GRAMD2B: variants seen among roughly 807,000 people sequenced by gnomAD.
The protein encoded by GRAMD2B is GRAM domain-containing protein 2B.
A neutral mutation model predicts 59.2 loss-of-function variants in GRAMD2B; 41 were observed. The ratio of observed to expected loss-of-function variants is 0.69; its 90% CI spans 0.54 to 0.90. The LOEUF (loss-of-function observed/expected upper bound fraction) is 0.90, where lower values mean the gene tolerates loss of function less well. Ranked by LOEUF, GRAMD2B falls within the 40% of genes least tolerant of loss-of-function variation. The probability of loss-of-function intolerance (pLI) is 0.00; values close to 1 mark genes in which losing one functional copy is unlikely to be tolerated. For missense variants in GRAMD2B, 424 were observed against 500.5 expected (o/e 0.85, Z 1.46); for synonymous variants, 161 against 182.7 (o/e 0.88, Z 0.96).
intron 1 of GRAMD2B, among the ~76,000 whole-genome samples, chr5:126,425,452 T>G (rs990692732): frequency 1.3e-5 from 2 of 152,178 alleles, no homozygotes; most frequent in African/African-American, 4.8e-5. Context: ...TGTTCTCACT[T>G]AAGTGTGACA....
At chr5:126,418,831 G>C (rs887848033), upstream of GRAMD2B, among the ~76,000 whole-genome samples, 14 of 152,090 alleles carry the variant, frequency 9.2e-5, no homozygotes, top group African/African-American at 3.4e-4. Context: ...TTCTGAACTT[G>C]CCCCCTTTTT....
At chr5:126,380,996 C>T (rs1378002906) in intron 1 of GRAMD2B, among the ~76,000 whole-genome samples, 2 of 152,162 alleles carry the variant, frequency 1.3e-5, no homozygotes. Context: ...AGGGGGAATG[C>T]TTTCAACTTT....
At chr5:126,409,990 G>C (rs1183232120) in intron 1 of GRAMD2B, among the ~76,000 whole-genome samples, 1 of 130,622 alleles carries the variant, frequency 7.7e-6, no homozygotes, top group Non-Finnish European at 1.7e-5. Context: ...TCAAAGATCA[G>C]ATAGTTGTAG....
intron 1 of GRAMD2B, among the ~76,000 whole-genome samples, chr5:126,452,146 T>A (rs1765490580): frequency 6.6e-6 from 1 of 152,212 alleles, no homozygotes. Flanking sequence ...AACAGAAATT[T>A]ATTTCTCATG....
rs535386112 is a variant in GRAMD2B at position 126,450,068 on chromosome 5, T to C, written c.84-15358T>C. ...CTGGCTTTTGATCTCTTTTTTTTTT[T>C]CCTCCTACATGAAACAGAAGACAGA... On this transcript the variant is annotated intron_variant, in intron 1 of 13. Transcript: ENST00000285689. 6.7e-4 allele frequency among the ~76,000 whole-genome samples: 102 copies of C among 152,118 alleles called. No individual in the cohort carries two copies. The South Asian group carries it at 0.021, about 31-fold the overall frequency.
chr5:126,469,095 T>G (rs1201932979), intron 2 of GRAMD2B, among the ~76,000 whole-genome samples: 1 of 152,332 alleles, frequency 6.6e-6, no homozygotes, highest in South Asian at 2.1e-4. Context: ...TAAATACTGA[T>G]TAAAATAGTT....
chr5:126,484,393 G>A lies in GRAMD2B; in HGVS notation c.848-9G>A, dbSNP rs1256820895. 6.2e-7 allele frequency: 1 copy of A among 1,612,308 alleles called. No individual in the cohort carries two copies. ...AGAACACTTACCCAGCTCTGTTTTG[G>A]CTTAGTAGATTTCCATGCGACAGAA... On this transcript the variant is annotated splice_polypyrimidine_tract_variant and intron_variant, in intron 9 of 13. Coordinates refer to ENST00000285689, the MANE Select transcript of GRAMD2B (RefSeq NM_023927.4).
intron 1 of GRAMD2B, among the ~76,000 whole-genome samples, chr5:126,428,964 T>C (rs1379606406): frequency 6.6e-6 from 1 of 152,220 alleles, no homozygotes; most frequent in Admixed American, 6.5e-5. Flanking sequence ...TTGACCATCG[T>C]GGAAGACAGT....
chr5:126,421,099 GT>G (rs1445441764), upstream of GRAMD2B, among the ~76,000 whole-genome samples: 4 of 152,164 alleles, frequency 2.6e-5, no homozygotes, highest in African/African-American at 9.7e-5. Flanking sequence ...GAAAGAAAGA[GT>G]TATTGTTTAA....
At chr5:126,411,357 G>A (rs1362344741) in intron 1 of GRAMD2B, among the ~76,000 whole-genome samples, 1 of 152,040 alleles carries the variant, frequency 6.6e-6, no homozygotes, top group Non-Finnish European at 1.5e-5. Flanking sequence ...TATTGAAAAG[G>A]GAGTCCTTTC....
chr5:126,469,661 G>C lies in GRAMD2B; in HGVS notation c.204-16G>C. On this transcript the variant is annotated splice_polypyrimidine_tract_variant and intron_variant, in intron 2 of 13. Transcript: ENST00000285689. ...AAAAAATTATCTTATAGACACCCTGGACTTTCTTTCTTTAGGTCAAAATCC... is the reference window on the plus strand; with the variant it reads ...AAAAAATTATCTTATAGACACCCTGCACTTTCTTTCTTTAGGTCAAAATCC... 1 of 1,548,760 alleles carries C rather than the reference G, an allele frequency of 6.5e-7. No individual in the cohort carries two copies. Among genetic ancestry groups the C allele is most frequent in the South Asian group, 1.1e-5 (1 of 89,188 alleles).
At chr5:126,364,588 T>C (rs765788782) in intron 1 of GRAMD2B, among the ~76,000 whole-genome samples, 10 of 152,196 alleles carry the variant, frequency 6.6e-5, no homozygotes, top group Non-Finnish European at 8.8e-5. Context: ...CAGCATGATG[T>C]GAAGAGGATC....
At chr5:126,477,649 C>T in intron 5 of GRAMD2B, 43 bp from the exon 6 acceptor site, 1 of 1,024,348 alleles carries the variant, frequency 9.8e-7, no homozygotes, top group Non-Finnish European at 1.6e-6. Context: ...AAGTGCTGTT[C>T]TGTCAAGTCT....
In GRAMD2B at chr5:126,478,583, A is replaced by C. The variant is rs563350341; in HGVS notation, c.582+796A>C. Among the ~76,000 whole-genome samples the C allele has an allele frequency of 9.2e-5, 14 of 152,254 alleles. No homozygotes were observed. The East Asian group carries it at 2.3e-3, about 25-fold the overall frequency. ...TGGTGAAACCCTCTGTCTTCAAAAA[A>C]TACAAAAATTAGCCGGGTTTGGTGG... On this transcript the variant is annotated intron_variant, in intron 6 of 13. Transcript: ENST00000285689.
At position 126,415,543 on chromosome 5, in the gene GRAMD2B, G is replaced by A. The variant is rs72782495; in HGVS notation, c.125+43976G>A. On this transcript the variant is annotated intron_variant, in intron 1 of 8. Transcript: ENST00000506445. ...GGAAGGGTGGGAAGGAGGGAAAGAG[G>A]GAGGGCTACACAATTTGCCTCAAAT... Among the ~76,000 whole-genome samples the A allele has an allele frequency of 8.3e-3, 1,263 of 152,076 alleles. 10 individuals are homozygous for A. Among genetic ancestry groups the A allele is most frequent in the Non-Finnish European group, 0.013 (865 of 67,986 alleles).
chr5:126,476,733 G>A (rs1770700806), intron 5 of GRAMD2B, among the ~76,000 whole-genome samples: 1 of 152,106 alleles, frequency 6.6e-6, no homozygotes, highest in East Asian at 1.9e-4. Flanking sequence ...AATAATGGTA[G>A]CTTCTATAGT....
At chr5:126,363,596 C>A (rs1400603810) in intron 1 of GRAMD2B, among the ~76,000 whole-genome samples, 1 of 152,084 alleles carries the variant, frequency 6.6e-6, no homozygotes, top group East Asian at 1.9e-4. Context: ...TGTGGTATAT[C>A]CATACAATAG....
intron 1 of GRAMD2B, among the ~76,000 whole-genome samples, chr5:126,410,967 T>G (rs1334772962): frequency 6.6e-6 from 1 of 152,126 alleles, no homozygotes; most frequent in Admixed American, 6.6e-5. Flanking sequence ...ATTTGTTTTT[T>G]GCTTGTTCAA....
chr5:126,387,721 AT>A (rs1466891920), intron 1 of GRAMD2B, among the ~76,000 whole-genome samples: 1 of 152,114 alleles, frequency 6.6e-6, no homozygotes, highest in Non-Finnish European at 1.5e-5. Flanking sequence ...TGTAAACAGA[AT>A]TTTGTCAGAC....
Sources: gnomAD v4.1 joint callset for allele counts (sites outside exome capture counted in the v4.1 genomes callset) on GRCh38, gnomAD v4.1.1 for gene constraint, MANE v1.5 for transcripts, NCBI Gene and HGNC (gene_info 2026-07-23, HGNC 2026-07-21) for gene names.